The following COL25A1 variants were observed in gnomAD, a reference collection of about 807,000 sequenced individuals.
The protein encoded by COL25A1 is collagen type XXV alpha 1 chain.
In COL25A1, 103 loss-of-function variants were observed where a neutral mutation model predicts 128.4. The observed-to-expected ratio is 0.80, with a 90% confidence interval of 0.68 to 0.94. The LOEUF is 0.94. COL25A1 is among the 40% of genes least tolerant of loss of function. The pLI, the probability that COL25A1 is intolerant of heterozygous loss-of-function variation, is 0.00. For synonymous variants in COL25A1, 279 were observed against 277.2 expected, an observed-to-expected ratio of 1.01 and a Z score of -0.06; for missense variants, 745 against 840.0, an observed-to-expected ratio of 0.89 and a Z score of 1.40.
Position 108,889,345 on chromosome 4 carries a change from C to T in COL25A1, c.940-89G>A, listed in dbSNP as rs138939942. On this transcript the variant is annotated intron_variant, in intron 17 of 37. Transcript: ENST00000399132. Reference sequence around the variant, plus strand: ...CTCTGGGCACCATCACAGGGATGGCCTAGCCCCCTTCTTCAACCACATGTC... The same window carrying T: ...CTCTGGGCACCATCACAGGGATGGCTTAGCCCCCTTCTTCAACCACATGTC... 5,333 of 1,213,040 alleles carry T rather than the reference C, an allele frequency of 4.4e-3. 135 individuals are homozygous for T. In the East Asian group the frequency reaches 0.057, roughly 13 times the overall value. The allele number at this position is 1,213,040 out of a possible 1,614,324, so 75.1% of individuals were successfully genotyped here.
chr4:109,081,899 T>C (rs1763869038), intron 3 of COL25A1, among the ~76,000 whole-genome samples: 1 of 152,064 alleles, frequency 6.6e-6, no homozygotes, highest in African/African-American at 2.4e-5. Flanking sequence ...AGATGGGGTT[T>C]CACTATGTTA....
chr4:108,816,611 C>G (rs1419186627), intron 37 of COL25A1, among the ~76,000 whole-genome samples: 1 of 152,118 alleles, frequency 6.6e-6, no homozygotes, highest in Non-Finnish European at 1.5e-5. Context: ...TACAGTTTTA[C>G]TGTTGCTTTC....
intron 3 of COL25A1, among the ~76,000 whole-genome samples, chr4:109,203,157 G>A (rs1409697785): frequency 6.6e-6 from 1 of 151,976 alleles, no homozygotes; most frequent in African/African-American, 2.4e-5. Flanking sequence ...TGTAGTCAAA[G>A]GAAGCTTCAC....
intron 11 of COL25A1, among the ~76,000 whole-genome samples, chr4:108,927,282 A>T (rs1263031756): frequency 1.3e-5 from 2 of 152,130 alleles, no homozygotes; most frequent in African/African-American, 4.8e-5. Flanking sequence ...ATATTTACCT[A>T]TTTTAAAAAT....
chr4:109,127,031 A>G (rs1399285251), intron 3 of COL25A1, among the ~76,000 whole-genome samples: 2 of 152,198 alleles, frequency 1.3e-5, no homozygotes, highest in African/African-American at 4.8e-5. Context: ...ACAGAAATGG[A>G]GAAAGAGATA....
chr4:109,037,179 G>A (rs1478502650), intron 5 of COL25A1, among the ~76,000 whole-genome samples: 6 of 152,132 alleles, frequency 3.9e-5, no homozygotes, highest in African/African-American at 1.4e-4. Context: ...TAAAATAATT[G>A]TTTTTAAATT....
intron 3 of COL25A1, among the ~76,000 whole-genome samples, chr4:109,201,918 A>G (rs1018869153): frequency 6.6e-6 from 1 of 152,216 alleles, no homozygotes; most frequent in Non-Finnish European, 1.5e-5. Flanking sequence ...CAAATCTAAT[A>G]AAATATGTAC....
chr4:108,956,342 T>C (rs1049883226), intron 8 of COL25A1, among the ~76,000 whole-genome samples: 1 of 152,174 alleles, frequency 6.6e-6, no homozygotes, highest in African/African-American at 2.4e-5. Context: ...TCTACACAGA[T>C]AATAATACTT....
At chr4:109,099,390 T>C (rs1013297715) in intron 3 of COL25A1, among the ~76,000 whole-genome samples, 1 of 152,194 alleles carries the variant, frequency 6.6e-6, no homozygotes, top group East Asian at 1.9e-4. Context: ...ATTTTAATGA[T>C]ATATAACTTT....
chr4:109,107,940 G>A (rs1245438886), intron 3 of COL25A1, among the ~76,000 whole-genome samples: 1 of 152,228 alleles, frequency 6.6e-6, no homozygotes, highest in Non-Finnish European at 1.5e-5. Flanking sequence ...CTAATTCCAT[G>A]TGATCAACTC....
At chr4:108,947,179 C>T (rs1748863193) in intron 8 of COL25A1, among the ~76,000 whole-genome samples, 2 of 152,158 alleles carry the variant, frequency 1.3e-5, no homozygotes, top group Admixed American at 6.5e-5. Flanking sequence ...CGCGGTGGCT[C>T]ATGCCTATAA....
chr4:109,135,087 T>C (rs1240772258), intron 3 of COL25A1, among the ~76,000 whole-genome samples: 2 of 149,512 alleles, frequency 1.3e-5, no homozygotes, highest in Non-Finnish European at 3.0e-5. Context: ...TAGAGAGAGT[T>C]TTGGAAAAAA....
At chr4:109,020,335 T>C (rs1376047418) in intron 5 of COL25A1, among the ~76,000 whole-genome samples, 1 of 152,224 alleles carries the variant, frequency 6.6e-6, no homozygotes, top group East Asian at 1.9e-4. Flanking sequence ...AATTTTTCAA[T>C]TTAAGGTTTT....
chr4:109,269,861 C>T (rs1367124136), intron 3 of COL25A1, among the ~76,000 whole-genome samples: 2 of 152,158 alleles, frequency 1.3e-5, no homozygotes, highest in Admixed American at 1.3e-4. Context: ...CGTCAAAAAG[C>T]TTATCCACCA....
chr4:108,920,739 A>AC (rs1363615649), intron 11 of COL25A1, 135 bp from the exon 12 acceptor site: 3 of 535,780 alleles, frequency 5.6e-6, no homozygotes, highest in Non-Finnish European at 8.9e-6. Flanking sequence ...TCAGGAAAAA[A>AC]AAAGAAAAAT....
At chr4:109,284,677 A>G (rs749284442) in intron 3 of COL25A1, among the ~76,000 whole-genome samples, 7 of 152,204 alleles carry the variant, frequency 4.6e-5, no homozygotes, top group Non-Finnish European at 7.3e-5. Flanking sequence ...GTTTTCATCA[A>G]ATTTCCAAGT....
At chr4:108,965,809 G>T (rs534332405) in intron 8 of COL25A1, among the ~76,000 whole-genome samples, 1 of 152,142 alleles carries the variant, frequency 6.6e-6, no homozygotes, top group South Asian at 2.1e-4. Flanking sequence ...TACTGATAAA[G>T]AAATGAAGTT....
rs546108512 is a variant in COL25A1, at chr4:109,047,396, A to G, written c.420+772T>C. On this transcript the variant is annotated intron_variant, in intron 5 of 37. Coordinates refer to ENST00000399132, the MANE Select transcript of COL25A1 (RefSeq NM_198721.4). Reference sequence around the variant, plus strand: ...ATCAAAAATAAACGTTTTTCATCATATGTTCTCACTCATAAGTGGGAGCTA... The same window carrying G: ...ATCAAAAATAAACGTTTTTCATCATGTGTTCTCACTCATAAGTGGGAGCTA... Among the ~76,000 whole-genome samples the G allele has an allele frequency of 1.1e-3, 162 of 152,252 alleles. 1 individual carries two copies. Among genetic ancestry groups the G allele is most frequent in the South Asian group, 1.9e-3 (9 of 4,816 alleles).
intron 3 of COL25A1, among the ~76,000 whole-genome samples, chr4:109,171,819 G>A (rs1773617451): frequency 6.6e-6 from 1 of 152,164 alleles, no homozygotes; most frequent in South Asian, 2.1e-4. Flanking sequence ...GAATATCCAG[G>A]ACACTTCTCG....
Sources: allele counts gnomAD v4.1 joint callset (sites outside exome capture counted in the v4.1 genomes callset), GRCh38; gene constraint gnomAD v4.1.1; transcripts MANE v1.5; gene names NCBI Gene and HGNC (gene_info 2026-07-23, HGNC 2026-07-21).